The following EPHA7 variants were observed in gnomAD, a reference collection of about 807,000 sequenced individuals.
EPHA7 encodes ephrin type-A receptor 7.
Under a neutral mutation model 112.6 loss-of-function variants are expected in EPHA7, and 25 were observed. That is an observed-to-expected ratio of 0.22 (90% CI 0.16 to 0.31). EPHA7 has a LOEUF of 0.31. Ranked by LOEUF, EPHA7 falls within the 10% of genes least tolerant of loss-of-function variation. The pLI, the probability that EPHA7 is intolerant of heterozygous loss-of-function variation, is 1.00. For synonymous variants in EPHA7, 437 were observed against 406.5 expected, an observed-to-expected ratio of 1.07 and a Z score of -0.90; for missense variants, 962 against 1,212.6, an observed-to-expected ratio of 0.79 and a Z score of 3.07.
chr6:93,331,292 A>G (rs932536316), intron 5 of EPHA7, among the ~76,000 whole-genome samples: 3 of 151,498 alleles, frequency 2.0e-5, no homozygotes, highest in Non-Finnish European at 4.4e-5. Flanking sequence ...TCACACCACT[A>G]TAATAAAATC....
chr6:93,410,320 CTT>C lies in EPHA7; in HGVS notation c.832+179_832+180del. 1 of 606,484 alleles carries C rather than the reference CTT, an allele frequency of 1.6e-6. No individual in the cohort carries two copies. The highest frequency in any genetic ancestry group is 2.9e-5 in the Admixed American group (1 of 33,920). 37.6% of individuals were successfully genotyped at this position (606,484 alleles called of 1,614,324 possible). A position where few individuals can be genotyped will look rare whatever the true frequency, so the allele number is the denominator to read the frequency against. On this transcript the variant is annotated intron_variant, in intron 3 of 16. Coordinates refer to ENST00000369303, the MANE Select transcript of EPHA7 (RefSeq NM_004440.4). This position sits in a 1 kb window ranked among gnomAD's most constrained non-coding sequence, Gnocchi z 4.0. The stretch of plus-strand genomic sequence containing the variant: ...TTATCACCTATATTGATTACATACA[CTT>C]AGTGCAGATGCTACTGTAGGGCAAT...
chr6:93,354,859 T>C (rs1168908777), intron 5 of EPHA7, among the ~76,000 whole-genome samples: 1 of 152,098 alleles, frequency 6.6e-6, no homozygotes, highest in African/African-American at 2.4e-5. Context: ...CAAACACTAT[T>C]TCTGGTATCA....
chr6:93,375,506 TA>T (rs1777011350), intron 3 of EPHA7, among the ~76,000 whole-genome samples: 1 of 151,516 alleles, frequency 6.6e-6, no homozygotes, highest in Non-Finnish European at 1.5e-5. Flanking sequence ...TAGTTCCAGC[TA>T]CTCGAGAGGC....
In EPHA7 at chr6:93,383,263, CGTGTGTGT is replaced by C. The variant is rs56368005; in HGVS notation, c.833-24860_833-24853del. Among the ~76,000 whole-genome samples the C allele has an allele frequency of 1.1e-3, 155 of 145,318 alleles. 1 individual carries two copies. The highest frequency in any genetic ancestry group is 2.7e-3 in the Admixed American group (38 of 14,290). ...ATATACAATGACTTATATTGGAACT[CGTGTGTGT>C]GTGTGTGTGTGTGTGTGTGTGTGTA... On this transcript the variant is annotated intron_variant, in intron 3 of 16. Transcript: ENST00000369303.
At chr6:93,256,335 A>G (rs1427487911) in intron 12 of EPHA7, among the ~76,000 whole-genome samples, 1 of 152,084 alleles carries the variant, frequency 6.6e-6, no homozygotes, top group Admixed American at 6.6e-5. Flanking sequence ...TTGGAAATAG[A>G]GTATCTAAAA....
intron 3 of EPHA7, among the ~76,000 whole-genome samples, chr6:93,399,635 A>C (rs539856602): frequency 3.3e-5 from 5 of 152,006 alleles, no homozygotes; most frequent in Non-Finnish European, 7.4e-5. Flanking sequence ...TTCTTGCTCC[A>C]CTATGTTGAC....
At chr6:93,411,631 C>T (rs930068704) in intron 2 of EPHA7, among the ~76,000 whole-genome samples, 1 of 151,958 alleles carries the variant, frequency 6.6e-6, no homozygotes, top group Non-Finnish European at 1.5e-5. Flanking sequence ...AAGAAAATGC[C>T]CACGGTATTC....
At chr6:93,319,600 A>C (rs953069694) in intron 5 of EPHA7, among the ~76,000 whole-genome samples, 2 of 152,090 alleles carry the variant, frequency 1.3e-5, no homozygotes, top group East Asian at 3.9e-4. Flanking sequence ...CAGAGGAACA[A>C]AATGGTCTAT....
intron 3 of EPHA7, among the ~76,000 whole-genome samples, chr6:93,388,622 C>G (rs1285691902): frequency 6.6e-6 from 1 of 152,026 alleles, no homozygotes; most frequent in Non-Finnish European, 1.5e-5. Flanking sequence ...GCCTCTCTGA[C>G]CAGCACGACT....
intron 7 of EPHA7, among the ~76,000 whole-genome samples, chr6:93,266,672 G>A (rs904167462): frequency 1.3e-5 from 2 of 151,696 alleles, no homozygotes; most frequent in Non-Finnish European, 2.9e-5. Flanking sequence ...CAGTGCTCAA[G>A]TGACTTCTTT....
intron 5 of EPHA7, among the ~76,000 whole-genome samples, chr6:93,309,041 C>T (rs370169916): frequency 2.0e-4 from 30 of 152,120 alleles, no homozygotes; most frequent in African/African-American, 4.3e-4. Flanking sequence ...CTCCACCTCC[C>T]GGGTTCAAGT....
At chr6:93,319,786 G>A (rs879601518) in intron 5 of EPHA7, among the ~76,000 whole-genome samples, 4 of 151,834 alleles carry the variant, frequency 2.6e-5, no homozygotes, top group Non-Finnish European at 4.4e-5. Flanking sequence ...ACAAATATTT[G>A]GAAGGTAGAT....
At position 93,258,179 on chromosome 6, in the gene EPHA7, C is replaced by A; in HGVS notation, c.2030G>T (p.Arg677Ile). The A allele has an allele frequency of 6.2e-7, 1 of 1,613,466 alleles. No individual in the cohort carries two copies. The change falls in exon 11 of 17, where the codon AGA (arginine) becomes ATA (isoleucine). Residue 677 changes from arginine to isoleucine, a missense_variant. By Grantham distance (97) the Arg-to-Ile change is moderately conservative. Around this residue, in one of 3 missense-constraint regions of EPHA7, gnomAD observed 746 missense variants for 889.2 expected, o/e 0.84. Transcript: ENST00000369303. The part of the protein sequence containing the change: ...LKVGYTEKQR[R>I]DFLCEASIMG... Reference sequence around the variant, plus strand: ...GATGCTTGCTTCACACAAAAAGTCTCTCCTTTGTTTTTCTGTGTAACCAAC... The same window carrying A: ...GATGCTTGCTTCACACAAAAAGTCTATCCTTTGTTTTTCTGTGTAACCAAC...
intron 5 of EPHA7, among the ~76,000 whole-genome samples, chr6:93,325,045 TGA>T (rs962944680): frequency 2.6e-5 from 4 of 151,202 alleles, no homozygotes; most frequent in African/African-American, 9.7e-5. Flanking sequence ...GTATAAAAAA[TGA>T]GAGTGTATGG....
Position 93,410,466 on chromosome 6 carries a change from G to C in EPHA7, c.832+35C>G. The C allele has an allele frequency of 1.3e-6, 2 of 1,560,516 alleles. No individual in the cohort carries two copies. Among genetic ancestry groups the C allele is most frequent in the East Asian group, 2.3e-5 (1 of 44,322 alleles). ...AATGTCTGATACTGAAATTTAAAAA[G>C]GCAAAGTGGAGTTTTAATAGGACAC... On this transcript the variant is annotated intron_variant, in intron 3 of 16. Coordinates refer to ENST00000369303, the MANE Select transcript of EPHA7 (RefSeq NM_004440.4). This position sits in a 1 kb window ranked among gnomAD's most constrained non-coding sequence, Gnocchi z 4.0.
rs990646948 is a variant in EPHA7 at position 93,244,365 on chromosome 6, G to A, written c.2883-825C>T. On this transcript the variant is annotated intron_variant, in intron 16 of 16. Transcript: ENST00000369303. The stretch of plus-strand genomic sequence containing the variant: ...CATGCACACACTTAAACCCATGTAC[G>A]TGACATTTCCTGGCATATACCAGAA... 1.4e-4 allele frequency among the ~76,000 whole-genome samples: 22 copies of A among 152,188 alleles called. 2 individuals are homozygous for A. Among genetic ancestry groups the A allele is most frequent in the Admixed American group, 1.2e-3 (19 of 15,292 alleles).
At chr6:93,363,586 G>C (rs1377837441) in intron 3 of EPHA7, among the ~76,000 whole-genome samples, 2 of 152,056 alleles carry the variant, frequency 1.3e-5, no homozygotes, top group Non-Finnish European at 2.9e-5. Flanking sequence ...AAATATGGAG[G>C]AATTAGAACT....
intron 5 of EPHA7, among the ~76,000 whole-genome samples, chr6:93,351,875 G>A (rs1245786224): frequency 1.7e-4 from 26 of 151,968 alleles, no homozygotes; most frequent in Non-Finnish European, 2.9e-5. Context: ...AATGTACCTG[G>A]AATTAAGCTA....
intron 14 of EPHA7, among the ~76,000 whole-genome samples, chr6:93,248,091 T>C (rs1408542425): frequency 1.4e-5 from 2 of 146,138 alleles, no homozygotes; most frequent in Non-Finnish European, 3.0e-5. Flanking sequence ...ATGGTAGAAA[T>C]GTAACAAAAA....
Sources: allele counts gnomAD v4.1 joint callset (sites outside exome capture counted in the v4.1 genomes callset), GRCh38; gene constraint gnomAD v4.1.1; regional missense constraint gnomAD v4.1.1; non-coding constraint Gnocchi (gnomAD v3.1); transcripts MANE v1.5; gene names NCBI Gene and HGNC (gene_info 2026-07-23, HGNC 2026-07-21).